TTC28: variants seen among roughly 807,000 people sequenced by gnomAD.
TTC28 encodes the protein tetratricopeptide repeat protein 28.
TTC28 carries 61 observed loss-of-function variants against 198.0 expected under a neutral mutation model. The ratio of observed to expected loss-of-function variants is 0.31; its 90% CI spans 0.25 to 0.38. The LOEUF (loss-of-function observed/expected upper bound fraction) is 0.38. TTC28 is among the 10% of genes least tolerant of loss of function. The probability of loss-of-function intolerance (pLI) is 1.00; values close to 1 mark genes in which losing one functional copy is unlikely to be tolerated. For synonymous variants in TTC28, 1,171 were observed against 1,297.8 expected (o/e 0.90, Z 2.10); for missense variants, 2,678 against 3,164.0 (o/e 0.85, Z 3.69).
rs189073022 is a variant in TTC28, at chr22:28,123,341, C to T, written c.1442-14938G>A. On this transcript the variant is annotated intron_variant, in intron 6 of 22. Transcript: ENST00000397906. ...CACGATCGTGGCTCACTGCAACCTC[C>T]GCCTCCCGGGTTCAAGTGATTCTCC... Among the ~76,000 whole-genome samples, 786 of 152,152 alleles carry T rather than the reference C, an allele frequency of 5.2e-3. 2 individuals are homozygous for T. The highest frequency in any genetic ancestry group is 0.01 in the Middle Eastern group (3 of 294).
intron 5 of TTC28, among the ~76,000 whole-genome samples, chr22:28,266,645 T>C (rs1931702217): frequency 6.6e-6 from 1 of 152,152 alleles, no homozygotes; most frequent in African/African-American, 2.4e-5. Flanking sequence ...GTCTCAGATA[T>C]GCAAGACAGG....
At chr22:28,070,652 G>A (rs1320199074) in intron 12 of TTC28, among the ~76,000 whole-genome samples, 3 of 151,950 alleles carry the variant, frequency 2.0e-5, no homozygotes, top group Admixed American at 1.3e-4. Context: ...CAAAAGAGGT[G>A]GTCTGGTGGT....
At chr22:28,335,705 C>T (rs2045702644) in intron 2 of TTC28, among the ~76,000 whole-genome samples, 2 of 152,272 alleles carry the variant, frequency 1.3e-5, no homozygotes, top group Non-Finnish European at 2.9e-5. Flanking sequence ...TGAGACTTTG[C>T]TGAAGTTCCT....
intron 2 of TTC28, among the ~76,000 whole-genome samples, chr22:28,435,738 C>T (rs1241755502): frequency 6.6e-6 from 1 of 152,232 alleles, no homozygotes; most frequent in African/African-American, 2.4e-5. Context: ...TCCTTCACTT[C>T]TTGTCAAGTC....
Position 28,163,571 on chromosome 22 carries a change from C to G in TTC28, c.962G>C (p.Gly321Ala). Residue 321 changes from glycine (G) to alanine (A), a missense_variant, in exon 6 of 23, where the codon GGC becomes GCC. By Grantham distance (60) the Gly-to-Ala change is moderately conservative. Coordinates refer to ENST00000397906, the MANE Select transcript of TTC28 (RefSeq NM_001145418.2). ...EAASSALSSL[G>A]HVYTAIGDYP... ...GTCTCCAATGGCTGTGTACACGTGG[C>G]CCAGACTGCTCAAGGCTGATGAAGC... 13 of 1,548,736 alleles carry G rather than the reference C, an allele frequency of 8.4e-6. No individual in the cohort carries two copies. The highest frequency in any genetic ancestry group is 1.1e-5 in the Non-Finnish European group (13 of 1,145,518).
At chr22:28,515,839 A>T (rs1324426794) in intron 2 of TTC28, among the ~76,000 whole-genome samples, 1 of 152,128 alleles carries the variant, frequency 6.6e-6, no homozygotes, top group Non-Finnish European at 1.5e-5. Context: ...AATGTATAAA[A>T]TTTTCAAAAA....
At chr22:28,529,140 T>A (rs1287661881) in intron 2 of TTC28, among the ~76,000 whole-genome samples, 1 of 152,084 alleles carries the variant, frequency 6.6e-6, no homozygotes, top group Non-Finnish European at 1.5e-5. Context: ...CGCAAGGGGT[T>A]GGAGAATTCC....
At chr22:28,404,283 C>T (rs2046965378) in intron 2 of TTC28, among the ~76,000 whole-genome samples, 1 of 151,998 alleles carries the variant, frequency 6.6e-6, no homozygotes, top group African/African-American at 2.4e-5. Flanking sequence ...CTACGCCCGG[C>T]TAATTTTTGT....
At chr22:28,244,794 C>G (rs1326735131) in intron 5 of TTC28, among the ~76,000 whole-genome samples, 1 of 152,000 alleles carries the variant, frequency 6.6e-6, no homozygotes, top group Non-Finnish European at 1.5e-5. Context: ...CATCTTTTTT[C>G]ATGTACCGTG....
At chr22:28,446,705 T>C (rs576508308) in intron 2 of TTC28, among the ~76,000 whole-genome samples, 22 of 152,260 alleles carry the variant, frequency 1.4e-4, no homozygotes, top group Admixed American at 1.2e-3. Flanking sequence ...TGCAGAACCA[T>C]AAGCCAATTA....
chr22:27,978,790 T>A lies in TTC28; in HGVS notation c.*3431A>T, dbSNP rs1346945053. On this transcript the variant is annotated 3_prime_UTR_variant, in exon 23 of 23. Coordinates refer to ENST00000397906, the MANE Select transcript of TTC28 (RefSeq NM_001145418.2). ...TAGTTGAGTCATTTACTGGAGAGAA[T>A]TAAGAAAGCTTTGACTCCCTTGCTC... 2 of 152,230 alleles carry A rather than the reference T, an allele frequency of 1.3e-5. No homozygotes were observed. Among genetic ancestry groups the A allele is most frequent in the Admixed American group, 1.3e-4 (2 of 15,276 alleles). The allele number at this position is 152,230 out of a possible 1,614,324, so 9.4% of individuals were successfully genotyped here.
intron 6 of TTC28, among the ~76,000 whole-genome samples, chr22:28,142,732 G>GA (rs1312381074): frequency 2.0e-5 from 3 of 152,186 alleles, no homozygotes; most frequent in Non-Finnish European, 2.9e-5. Flanking sequence ...GGACTTTTCT[G>GA]ACATGCCTTG....
At chr22:28,363,994 C>T (rs531221549) in intron 2 of TTC28, among the ~76,000 whole-genome samples, 2 of 152,206 alleles carry the variant, frequency 1.3e-5, no homozygotes, top group South Asian at 2.1e-4. Context: ...TGAGTTAATA[C>T]TAAAATGAGT....
intron 2 of TTC28, among the ~76,000 whole-genome samples, chr22:28,433,479 C>T (rs914010020): frequency 1.3e-5 from 2 of 152,172 alleles, no homozygotes; most frequent in African/African-American, 2.4e-5. Flanking sequence ...AAATCAAATG[C>T]TCCTTAAGGT....
chr22:28,098,378 C>T (rs1367681159), intron 10 of TTC28, among the ~76,000 whole-genome samples: 1 of 152,154 alleles, frequency 6.6e-6, no homozygotes, highest in African/African-American at 2.4e-5. Context: ...ATCCCTGTCT[C>T]AAGGACACTT....
intron 1 of TTC28, among the ~76,000 whole-genome samples, chr22:28,678,974 G>C (rs2052045837): frequency 6.6e-6 from 1 of 152,160 alleles, no homozygotes; most frequent in South Asian, 2.1e-4. Flanking sequence ...TAACGGGTTT[G>C]GGAGGCAAGG....
At chr22:28,674,790 G>A (rs543793713) in intron 1 of TTC28, among the ~76,000 whole-genome samples, 1 of 142,614 alleles carries the variant, frequency 7.0e-6, no homozygotes, top group East Asian at 2.1e-4. Context: ...CTGCACTCCA[G>A]CCTGGGCGAT....
At chr22:27,995,493 G>A (rs956885296) in intron 17 of TTC28, among the ~76,000 whole-genome samples, 2 of 152,142 alleles carry the variant, frequency 1.3e-5, no homozygotes, top group Non-Finnish European at 2.9e-5. Flanking sequence ...TGACTCAGTT[G>A]ATAACTTTAC....
intron 2 of TTC28, among the ~76,000 whole-genome samples, chr22:28,617,762 A>T (rs1445383702): frequency 6.6e-6 from 1 of 152,330 alleles, no homozygotes; most frequent in East Asian, 1.9e-4. Flanking sequence ...CCATGCAAAG[A>T]ACCCCAGCAA....
Sources: gnomAD v4.1 joint callset for allele counts (sites outside exome capture counted in the v4.1 genomes callset) on GRCh38, gnomAD v4.1.1 for gene constraint, MANE v1.5 for transcripts, NCBI Gene and HGNC (gene_info 2026-07-23, HGNC 2026-07-21) for gene names.